Variants in PCDHB16 observed in about 807,000 individuals in gnomAD.
PCDHB16 encodes the protein protocadherin beta 16.
For missense variants in PCDHB16, 1,026 were observed against 989.9 expected (o/e 1.04, Z -0.49); for synonymous variants, 444 against 436.5 (o/e 1.02, Z -0.21).
rs17844646 is a variant in PCDHB16 at position 141,184,004 on chromosome 5, C to T, written c.1445C>T (p.Thr482Ile). The T allele has an allele frequency of 0.23, 363,568 of 1,603,656 alleles. 46,267 individuals are homozygous for T. The highest frequency in any genetic ancestry group is 0.53 in the East Asian group (23,633 of 44,478). Reference protein sequence around the residue: ...SVSATDRDSGTNAQVTYSLLP... With the variant: ...SVSATDRDSGINAQVTYSLLP... ...AGCGCCACAGACAGAGACTCGGGCA[C>T]CAACGCCCAGGTCACCTACTCGCTG... is the stretch of plus-strand genomic sequence containing the variant. Residue 482 changes from threonine to isoleucine, a missense_variant, in exon 1 of 1, where the codon ACC (threonine) becomes ATC (isoleucine). Transcript: ENST00000609684.
In PCDHB16 at chr5:141,186,086, T is replaced by C. The variant is rs1753726754; in HGVS notation, c.*1196T>C. On this transcript the variant is annotated 3_prime_UTR_variant, in exon 1 of 1. Transcript: ENST00000609684. ...CATGGTTTGGCTTTTATATTCATCA[T>C]AGTATACATTGGCGGTATCTAGCCC... is the stretch of plus-strand genomic sequence containing the variant. 20 of 999,550 alleles carry C rather than the reference T, an allele frequency of 2.0e-5. No individual in the cohort carries two copies. Among genetic ancestry groups the C allele is most frequent in the African/African-American group, 3.5e-5 (2 of 57,224 alleles). The allele number at this position is 999,550 out of a possible 1,614,324, so 61.9% of individuals were successfully genotyped here. A position where few individuals can be genotyped will look rare whatever the true frequency, so the allele number is the denominator to read the frequency against.
chr5:141,183,252 AGTG>A lies in PCDHB16; in HGVS notation c.698_700del (p.Val233del), dbSNP rs868984346. 1.2e-6 allele frequency: 2 copies of A among 1,614,030 alleles called. No homozygotes were observed. Among genetic ancestry groups the A allele is most frequent in the African/African-American group, 2.7e-5 (2 of 74,912 alleles). ...CTGGAACTGCTCAGGTCCGTATTGA[AGTG>A]GTGGACATCAATGATAACGCTCCTG... On this transcript the variant is annotated inframe_deletion, in exon 1 of 1. Transcript: ENST00000609684.
chr5:141,184,668 T>G lies in PCDHB16; in HGVS notation c.2109T>G (p.Phe703Leu). 1.9e-6 allele frequency: 3 copies of G among 1,611,712 alleles called. No individual in the cohort carries two copies. Among genetic ancestry groups the G allele is most frequent in the Non-Finnish European group, 2.5e-6 (3 of 1,178,606 alleles). ...CCTCGGTGTCGTCGCTCTTCCTCTT[T>G]TCGGTGCTCCTGTTCGTGGCGGTGC... ...ALASVSSLFL[F>L]SVLLFVAVRL... is the part of the protein sequence containing the mutation. Residue 703 changes from phenylalanine (F) to leucine (L), a missense_variant, in exon 1 of 1, where the codon TTT becomes TTG. Coordinates refer to ENST00000609684, the MANE Select transcript of PCDHB16 (RefSeq NM_020957.4).
Position 141,183,750 on chromosome 5 carries a change from C to A in PCDHB16, c.1191C>A (p.Val397=). 1 of 1,614,154 alleles carries A rather than the reference C, an allele frequency of 6.2e-7. No individual in the cohort carries two copies. Among genetic ancestry groups the A allele is most frequent in the Non-Finnish European group, 8.5e-7 (1 of 1,180,030 alleles). Residue 397 remains valine, a synonymous_variant, in exon 1 of 1, where the codon GTC becomes GTA. Transcript: ENST00000609684. ...TTCCCTTTCTTCTAAAACCTTCAGT[C>A]AAGAACTTTTACACCTTGGTAACGG... The part of the protein sequence containing the change: ...EDLPFLLKPS[V]KNFYTLVTER...
chr5:141,184,579 C>G lies in PCDHB16; in HGVS notation c.2020C>G (p.Pro674Ala), dbSNP rs143127198. 1.4e-5 allele frequency: 22 copies of G among 1,612,236 alleles called. No individual in the cohort carries two copies. The African/African-American group carries it at 2.9e-4, about 22-fold the overall frequency. ...DGFSQPFLPL[P>A]EAAPGQTQAN... ...CTTCTCCCAGCCCTTCCTGCCGCTC[C>G]CAGAGGCGGCCCCCGGCCAGACCCA... The change falls in exon 1 of 1, where the codon CCA becomes GCA. Residue 674 changes from proline to alanine, a missense_variant. By Grantham distance (27) the Pro-to-Ala change is conservative (BLOSUM62 -1). Coordinates refer to ENST00000609684, the MANE Select transcript of PCDHB16 (RefSeq NM_020957.4).
Position 141,184,494 on chromosome 5 carries a change from G to C in PCDHB16, c.1935G>C (p.Lys645Asn), listed in dbSNP as rs1554282393. The C allele has an allele frequency of 6.2e-7, 1 of 1,609,108 alleles. No individual in the cohort carries two copies. Among genetic ancestry groups the C allele is most frequent in the African/African-American group, 1.3e-5 (1 of 74,990 alleles). Reference sequence around the variant, plus strand: ...AGCAGAGGCTGGTGGTGCTGGTCAAGGACAATGGCGAGCCTCCGCGCTCGG... The same window carrying C: ...AGCAGAGGCTGGTGGTGCTGGTCAACGACAATGGCGAGCCTCCGCGCTCGG... ...AAKQRLVVLV[K>N]DNGEPPRSAT... The change falls in exon 1 of 1, where the codon AAG becomes AAC. Residue 645 changes from lysine (K) to asparagine (N), a missense_variant. By Grantham distance (94) the Lys-to-Asn change is moderately conservative. Coordinates refer to ENST00000609684, the MANE Select transcript of PCDHB16 (RefSeq NM_020957.4).
rs1205819926 is a variant in PCDHB16 at position 141,184,743 on chromosome 5, T to C, written c.2184T>C (p.Pro728=). 5 of 1,613,928 alleles carry C rather than the reference T, an allele frequency of 3.1e-6. No individual in the cohort carries two copies. The African/African-American group carries it at 4.0e-5, about 13-fold the overall frequency. ...CCTCGGTGGGCCGCTGCTCGATGCC[T>C]GAGGGCCCCTTTCCAGGGCGTCTGG... is the stretch of plus-strand genomic sequence containing the variant. ...RAASVGRCSM[P]EGPFPGRLVD... The change falls in exon 1 of 1, where the codon CCT becomes CCC. Residue 728 remains proline (P), a synonymous_variant. Transcript: ENST00000609684.
chr5:141,185,548 C>G lies in PCDHB16; in HGVS notation c.*658C>G, dbSNP rs1354184458. On this transcript the variant is annotated 3_prime_UTR_variant, in exon 1 of 1. Transcript: ENST00000609684. ...ACCTCAGCCTCCCAAGTAGCTTGGA[C>G]TATAGGTGCATGCCACCATGCCTGG... is the stretch of plus-strand genomic sequence containing the variant. 3.1e-6 allele frequency: 1 copy of G among 327,206 alleles called. No homozygotes were observed. The highest frequency in any genetic ancestry group is 4.4e-6 in the Non-Finnish European group (1 of 227,734). 20.3% of individuals were successfully genotyped at this position (327,206 alleles called of 1,614,324 possible).
At position 141,182,794 on chromosome 5, in the gene PCDHB16, G is replaced by T; in HGVS notation, c.235G>T (p.Ala79Ser). 2 of 1,614,088 alleles carry T rather than the reference G, an allele frequency of 1.2e-6. No individual in the cohort carries two copies. The highest frequency in any genetic ancestry group is 1.3e-5 in the African/African-American group (1 of 75,024). Residue 79 changes from alanine to serine, a missense_variant, in exon 1 of 1, where the codon GCT (alanine) becomes TCT (serine). Ala to Ser is a moderately conservative substitution (Grantham distance 99). Coordinates refer to ENST00000609684, the MANE Select transcript of PCDHB16 (RefSeq NM_020957.4). ...QGNKQHLQLK[A>S]QTGDLLINEK... is the part of the protein sequence containing the mutation. ...GAACAAACAGCATTTGCAGCTCAAG[G>T]CTCAAACTGGGGATTTGCTCATAAA...
rs1439379318 is a variant in PCDHB16, at chr5:141,184,398, G to T, written c.1839G>T (p.Gly613=). 1.9e-6 allele frequency: 3 copies of T among 1,606,164 alleles called. No individual in the cohort carries two copies. Among genetic ancestry groups the T allele is most frequent in the Non-Finnish European group, 2.5e-6 (3 of 1,179,466 alleles). ...SYQLLKATEP[G]LFGVWAHNGE... is the part of the protein sequence containing the mutation. The stretch of plus-strand genomic sequence containing the variant: ...AGCTGCTCAAGGCCACGGAGCCCGG[G>T]CTGTTCGGTGTGTGGGCGCACAATG... The change falls in exon 1 of 1, where the codon GGG becomes GGT. Residue 613 remains glycine (G), a synonymous_variant. Transcript: ENST00000609684.
chr5:141,183,758 T>C lies in PCDHB16; in HGVS notation c.1199T>C (p.Phe400Ser). Reference protein sequence around the residue: ...PFLLKPSVKNFYTLVTERALD... With the variant: ...PFLLKPSVKNSYTLVTERALD... The stretch of plus-strand genomic sequence containing the variant: ...CTTCTAAAACCTTCAGTCAAGAACT[T>C]TTACACCTTGGTAACGGAGAGAGCA... Residue 400 changes from phenylalanine to serine, a missense_variant, in exon 1 of 1, where the codon TTT becomes TCT. Physicochemically the swap from Phe to Ser is radical, Grantham distance 155. Transcript: ENST00000609684. 6.2e-7 allele frequency: 1 copy of C among 1,614,066 alleles called. No individual in the cohort carries two copies. Among genetic ancestry groups the C allele is most frequent in the Non-Finnish European group, 8.5e-7 (1 of 1,180,028 alleles).
Position 141,182,718 on chromosome 5 carries a change from G to T in PCDHB16, c.159G>T (p.Gly53=). Reference sequence around the variant, plus strand: ...TGGCAAATCTAGGAAAAGACCTGGGGTTGGGGTTGACAGAGATGTCCACCC... The same window carrying T: ...TGGCAAATCTAGGAAAAGACCTGGGTTTGGGGTTGACAGAGATGTCCACCC... ...SFVANLGKDL[G]LGLTEMSTRK... Residue 53 remains glycine (G), a synonymous_variant, in exon 1 of 1, where the codon GGG becomes GGT. Transcript: ENST00000609684. 2 of 1,611,758 alleles carry T rather than the reference G, an allele frequency of 1.2e-6. No individual in the cohort carries two copies. Among genetic ancestry groups the T allele is most frequent in the Non-Finnish European group, 8.5e-7 (1 of 1,178,434 alleles).
chr5:141,185,000 T>G lies in PCDHB16; in HGVS notation c.*110T>G. The G allele has an allele frequency of 1.3e-6, 2 of 1,484,296 alleles. No homozygotes were observed. The highest frequency in any genetic ancestry group is 2.8e-5 in the South Asian group (2 of 70,554). The allele number at this position is 1,484,296 out of a possible 1,614,324, so 91.9% of individuals were successfully genotyped here. A position where few individuals can be genotyped will look rare whatever the true frequency, so the allele number is the denominator to read the frequency against. On this transcript the variant is annotated 3_prime_UTR_variant, in exon 1 of 1. Coordinates refer to ENST00000609684, the MANE Select transcript of PCDHB16 (RefSeq NM_020957.4). Reference sequence around the variant, plus strand: ...CCTTAACTTCTTATGATTGTCTTGTTGATTAAATTGTTCATGCTCACCACC... The same window carrying G: ...CCTTAACTTCTTATGATTGTCTTGTGGATTAAATTGTTCATGCTCACCACC...
In PCDHB16 at chr5:141,183,935, T is replaced by C. The variant is rs1301387963; in HGVS notation, c.1376T>C (p.Phe459Ser). 1.2e-6 allele frequency: 2 copies of C among 1,613,730 alleles called. No individual in the cohort carries two copies. Among genetic ancestry groups the C allele is most frequent in the Admixed American group, 1.7e-5 (1 of 59,982 alleles). Reference sequence around the variant, plus strand: ...TTCACCCAAACCTCCTACACCCTGTTCGTCCGCGAGAACAACAGCCCCGCC... The same window carrying C: ...TTCACCCAAACCTCCTACACCCTGTCCGTCCGCGAGAACAACAGCCCCGCC... ...PTFTQTSYTL[F>S]VRENNSPALH... The change falls in exon 1 of 1, where the codon TTC (phenylalanine) becomes TCC (serine). Residue 459 changes from phenylalanine to serine, a missense_variant. Transcript: ENST00000609684.
At position 141,183,381 on chromosome 5, in the gene PCDHB16, T is replaced by A. The variant is rs782002892; in HGVS notation, c.822T>A (p.Asn274Lys). ...VSARDLDGGA[N>K]GKISYTLFQP... is the part of the protein sequence containing the mutation. Reference sequence around the variant, plus strand: ...CCAGGGATTTAGACGGCGGAGCCAATGGAAAAATATCATACACACTCTTTC... The same window carrying A: ...CCAGGGATTTAGACGGCGGAGCCAAAGGAAAAATATCATACACACTCTTTC... The change falls in exon 1 of 1, where the codon AAT becomes AAA. Residue 274 changes from asparagine to lysine, a missense_variant. By Grantham distance (94) the Asn-to-Lys change is moderately conservative (BLOSUM62 0). Coordinates refer to ENST00000609684, the MANE Select transcript of PCDHB16 (RefSeq NM_020957.4). 1.2e-6 allele frequency: 2 copies of A among 1,614,028 alleles called. No individual in the cohort carries two copies. The highest frequency in any genetic ancestry group is 1.7e-6 in the Non-Finnish European group (2 of 1,180,000).
In PCDHB16 at chr5:141,184,694, G is replaced by A; in HGVS notation, c.2135G>A (p.Arg712Gln). 1 of 1,612,346 alleles carries A rather than the reference G, an allele frequency of 6.2e-7. No homozygotes were observed. The highest frequency in any genetic ancestry group is 1.3e-5 in the African/African-American group (1 of 75,022). ...LFSVLLFVAV[R>Q]LCRRSRAASV... is the part of the protein sequence containing the mutation. ...TCGGTGCTCCTGTTCGTGGCGGTGC[G>A]GCTGTGCAGGAGGAGCAGGGCGGCC... is the stretch of plus-strand genomic sequence containing the variant. Residue 712 changes from arginine to glutamine, a missense_variant, in exon 1 of 1, where the codon CGG (arginine) becomes CAG (glutamine). Arg to Gln is a conservative substitution (Grantham distance 43, BLOSUM62 1). Coordinates refer to ENST00000609684, the MANE Select transcript of PCDHB16 (RefSeq NM_020957.4).
Position 141,183,993 on chromosome 5 carries a change from AGAC to A in PCDHB16, c.1435_1437del (p.Asp479del), listed in dbSNP as rs1753642302. 6.2e-7 allele frequency: 1 copy of A among 1,610,534 alleles called. No homozygotes were observed. The highest frequency in any genetic ancestry group is 8.5e-7 in the Non-Finnish European group (1 of 1,179,538). ...TCGGCAGCGTCAGCGCCACAGACAG[AGAC>A]TCGGGCACCAACGCCCAGGTCACCT... On this transcript the variant is annotated inframe_deletion, in exon 1 of 1. Coordinates refer to ENST00000609684, the MANE Select transcript of PCDHB16 (RefSeq NM_020957.4).
rs1191574313 is a variant in PCDHB16, at chr5:141,185,047, G to C, written c.*157G>C. The C allele has an allele frequency of 2.1e-5, 31 of 1,443,694 alleles. No individual in the cohort carries two copies. The highest frequency in any genetic ancestry group is 2.6e-5 in the Non-Finnish European group (29 of 1,097,280). The allele number at this position is 1,443,694 out of a possible 1,614,324, so 89.4% of individuals were successfully genotyped here. A position where few individuals can be genotyped will look rare whatever the true frequency, so the allele number is the denominator to read the frequency against. ...CACCACCAATAAGGTATTTTTCTCT[G>C]ATTGTTAGTTCAAATTATATTGTTA... On this transcript the variant is annotated 3_prime_UTR_variant, in exon 1 of 1. Coordinates refer to ENST00000609684, the MANE Select transcript of PCDHB16 (RefSeq NM_020957.4).
Position 141,186,135 on chromosome 5 carries a change from T to A in PCDHB16, c.*1245T>A. 1.0e-6 allele frequency: 1 copy of A among 997,366 alleles called. No homozygotes were observed. The highest frequency in any genetic ancestry group is 1.2e-6 in the Non-Finnish European group (1 of 827,492). The allele number at this position is 997,366 out of a possible 1,614,324, so 61.8% of individuals were successfully genotyped here. On this transcript the variant is annotated 3_prime_UTR_variant, in exon 1 of 1. Coordinates refer to ENST00000609684, the MANE Select transcript of PCDHB16 (RefSeq NM_020957.4). The stretch of plus-strand genomic sequence containing the variant: ...CCTTTCTCTGTAAAATATCCCTATG[T>A]TTAATCTGTATTTCTTGCTTATTAT...
Sources: gnomAD v4.1 joint callset for allele counts on GRCh38, gnomAD v4.1.1 for gene constraint, MANE v1.5 for transcripts, NCBI Gene and HGNC (gene_info 2026-07-23, HGNC 2026-07-21) for gene names.